The following DDX19A variants were observed in gnomAD, a reference collection of about 807,000 sequenced individuals.
DDX19A encodes the protein DEAD-box helicase 19A.
Under a neutral mutation model 60.6 loss-of-function variants are expected in DDX19A, and 12 were observed. That is an observed-to-expected ratio of 0.20 (90% CI 0.13 to 0.32). The LOEUF is 0.32. DDX19A is among the 10% of genes least tolerant of loss of function. DDX19A has a pLI of 1.00. For synonymous variants in DDX19A, 206 were observed against 218.2 expected (o/e 0.94, Z 0.49); for missense variants, 337 against 600.6 (o/e 0.56, Z 4.59).
chr16:70,347,775 C>G, intron 1 of DDX19A: 1 of 214,432 alleles, frequency 4.7e-6, no homozygotes, highest in Non-Finnish European at 9.8e-6. Context: ...ACCGCAACCT[C>G]CGCCTCCCGG....
rs751865811 is a variant in DDX19A, at chr16:70,366,693, C to T, written c.852C>T (p.Ala284=). 1.2e-6 allele frequency: 2 copies of T among 1,614,082 alleles called. No homozygotes were observed. Among genetic ancestry groups the T allele is most frequent in the East Asian group, 2.2e-5 (1 of 44,890 alleles). The change falls in exon 9 of 12, where the codon GCC becomes GCT. Residue 284 remains alanine (A), a synonymous_variant. Coordinates refer to ENST00000302243, the MANE Select transcript of DDX19A (RefSeq NM_018332.5). ...TTGAAGACTCTGTGTGGAAGTTTGCCCAGAAAGTGGTCCCAGACCCAAATG... is the reference window on the plus strand; with the variant it reads ...TTGAAGACTCTGTGTGGAAGTTTGCTCAGAAAGTGGTCCCAGACCCAAATG... The part of the protein sequence containing the change: ...ATFEDSVWKF[A]QKVVPDPNVI...
chr16:70,361,365 C>A (rs1964359417), intron 4 of DDX19A, 53 bp from the exon 5 acceptor site: 1 of 1,350,008 alleles, frequency 7.4e-7, no homozygotes, highest in Admixed American at 1.7e-5. Context: ...TTCTAGGCCT[C>A]TAAAACAATT....
intron 7 of DDX19A, chr16:70,365,465 G>A: frequency 5.0e-6 from 1 of 200,688 alleles, no homozygotes; most frequent in Non-Finnish European, 1.0e-5. Context: ...GACTGAGGAT[G>A]GAAGGTTGGG....
intron 1 of DDX19A, chr16:70,347,726 T>C (rs945644460): frequency 1.5e-5 from 3 of 193,730 alleles, no homozygotes; most frequent in Non-Finnish European, 3.3e-5. Flanking sequence ...GTTTTGCTCT[T>C]GTTGCCCAGG....
intron 10 of DDX19A, 193 bp from the exon 11 acceptor site, chr16:70,371,179 T>G (rs116710245): frequency 7.2e-6 from 7 of 976,214 alleles, no homozygotes; most frequent in Admixed American, 2.8e-5. Context: ...TGTTGGCACT[T>G]GCCAAAGTTC....
intron 5 of DDX19A, among the ~76,000 whole-genome samples, chr16:70,362,993 G>A (rs1311001085): frequency 2.8e-5 from 4 of 144,802 alleles, no homozygotes; most frequent in African/African-American, 7.6e-5. Context: ...CAGCCTGGGC[G>A]ACAGAGTAAG....
intron 3 of DDX19A, 155 bp downstream of exon 3, chr16:70,355,690 G>A (rs550236049): frequency 6.7e-5 from 44 of 653,616 alleles, no homozygotes; most frequent in South Asian, 5.3e-4. Flanking sequence ...GTCCGAAAGC[G>A]GTAGCTCACA....
At chr16:70,371,166 T>G in intron 10 of DDX19A, 2 of 830,078 alleles carry the variant, frequency 2.4e-6, no homozygotes, top group Non-Finnish European at 3.7e-6. Context: ...GATCTCATGA[T>G]TTTGTTGGCA....
At chr16:70,364,906 G>A in intron 6 of DDX19A, 111 bp from the exon 7 acceptor site, 1 of 844,140 alleles carries the variant, frequency 1.2e-6, no homozygotes, top group Non-Finnish European at 1.9e-6. Context: ...CTGGATGGGA[G>A]GACATGCTTC....
intron 2 of DDX19A, among the ~76,000 whole-genome samples, chr16:70,354,216 G>A (rs1268089178): frequency 6.6e-6 from 1 of 151,718 alleles, no homozygotes; most frequent in Non-Finnish European, 1.5e-5. Context: ...CGTAATCTCA[G>A]CTCACTGCAA....
intron 1 of DDX19A, 93 bp downstream of exon 1, chr16:70,347,141 C>T: frequency 8.0e-7 from 1 of 1,254,014 alleles, no homozygotes; most frequent in Non-Finnish European, 1.1e-6. Context: ...GGGGAGGCCC[C>T]TGGGCAACGC....
chr16:70,362,340 CAA>C (rs566741768), intron 5 of DDX19A, among the ~76,000 whole-genome samples: 1 of 46,388 alleles, frequency 2.2e-5, no homozygotes, highest in Non-Finnish European at 4.7e-5. Context: ...GACTCTGTCT[CAA>C]AAAAAAAAAA....
Position 70,372,034 on chromosome 16 carries a change from G to T in DDX19A, c.*48G>T. ...CCAGCCCTGGCACTGCCCCTGCACA[G>T]GAGACAAGTGCATTTAGGGCACAGG... On this transcript the variant is annotated 3_prime_UTR_variant, in exon 12 of 12. Transcript: ENST00000302243. The T allele has an allele frequency of 6.2e-7, 1 of 1,613,720 alleles. No homozygotes were observed. The highest frequency in any genetic ancestry group is 8.5e-7 in the Non-Finnish European group (1 of 1,179,604).
At chr16:70,360,520 G>A (rs779365462) in intron 4 of DDX19A, among the ~76,000 whole-genome samples, 16 of 148,784 alleles carry the variant, frequency 1.1e-4, no homozygotes, top group Non-Finnish European at 1.9e-4. Context: ...GTTTTGTTTT[G>A]TTTTAGAGAC....
At chr16:70,365,641 G>A (rs1048328531) in intron 7 of DDX19A, 14 of 207,562 alleles carry the variant, frequency 6.7e-5, no homozygotes, top group South Asian at 3.0e-4. Flanking sequence ...ATAGCCAAGC[G>A]TGGAAGTGCC....
rs1294154695 is a variant in DDX19A at position 70,366,620 on chromosome 16, G to A, written c.783-4G>A. The A allele has an allele frequency of 6.2e-7, 1 of 1,614,148 alleles. No homozygotes were observed. ...GGGCCATCTACCCGGGCCTTCCCTTGCAGGATGCTGCCCAGGAACTGCCAG... is the reference window on the plus strand; with the variant it reads ...GGGCCATCTACCCGGGCCTTCCCTTACAGGATGCTGCCCAGGAACTGCCAG... On this transcript the variant is annotated splice_region_variant and splice_polypyrimidine_tract_variant and intron_variant, in intron 8 of 11. Transcript: ENST00000302243.
At chr16:70,355,451 C>T (rs1567650836) in intron 2 of DDX19A, 34 bp from the exon 3 acceptor site, 9 of 1,519,630 alleles carry the variant, frequency 5.9e-6, no homozygotes, top group Non-Finnish European at 7.3e-6. Context: ...CTCATATTTG[C>T]CTTTCTAATT....
At position 70,371,215 on chromosome 16, in the gene DDX19A, C is replaced by A. The variant is rs565777862; in HGVS notation, c.1184-157C>A. 7 of 1,290,912 alleles carry A rather than the reference C, an allele frequency of 5.4e-6. No homozygotes were observed. The African/African-American group carries it at 8.9e-5, about 16-fold the overall frequency. The allele number at this position is 1,290,912 out of a possible 1,614,324, so 80.0% of individuals were successfully genotyped here. ...TCTTCTTTTCCTCTGGGTTCTGTTGCCTGCCTATATGTGTGCCCTCTCTTG... is the reference window on the plus strand; with the variant it reads ...TCTTCTTTTCCTCTGGGTTCTGTTGACTGCCTATATGTGTGCCCTCTCTTG... On this transcript the variant is annotated intron_variant, in intron 10 of 11. Transcript: ENST00000302243.
intron 4 of DDX19A, among the ~76,000 whole-genome samples, chr16:70,360,497 TTTG>T (rs1325059531): frequency 7.8e-6 from 1 of 127,664 alleles, no homozygotes; most frequent in African/African-American, 5.3e-5. Context: ...ATTTTTCTTT[TTTG>T]TTTTGTTTTG....
Sources: gnomAD v4.1 joint callset for allele counts (sites outside exome capture counted in the v4.1 genomes callset) on GRCh38, gnomAD v4.1.1 for gene constraint, MANE v1.5 for transcripts, NCBI Gene and HGNC (gene_info 2026-07-23, HGNC 2026-07-21) for gene names.